Variants in FRMD5 observed in about 807,000 individuals in gnomAD.
The protein encoded by FRMD5 is FERM domain containing 5, also known as FERM domain-containing protein 5.
In FRMD5, 20 loss-of-function variants were observed where a neutral mutation model predicts 69.0. The observed-to-expected ratio is 0.29, with a 90% CI of 0.20 to 0.42. The LOEUF is 0.42. Ranked by LOEUF, FRMD5 falls within the 10% of genes least tolerant of loss-of-function variation. FRMD5 has a pLI of 1.00. For synonymous variants in FRMD5, 271 were observed against 260.1 expected (o/e 1.04, Z -0.40); for missense variants, 595 against 708.6 (o/e 0.84, Z 1.82).
rs145148653 is a variant in FRMD5 at position 44,179,194 on chromosome 15, C to A, written c.102+15759G>T. On this transcript the variant is annotated intron_variant, in intron 1 of 13. Transcript: ENST00000417257. ...GACTACCAGCCATTAGTAACTACTA[C>A]TTAAAGGAGAAAGAAAACTGATTCC... 3.9e-3 allele frequency among the ~76,000 whole-genome samples: 587 copies of A among 152,224 alleles called. 5 individuals carry two copies. The highest frequency in any genetic ancestry group is 0.014 in the African/African-American group (562 of 41,542).
At chr15:43,970,118 T>A (rs931168674) in intron 1 of FRMD5, among the ~76,000 whole-genome samples, 11 of 152,256 alleles carry the variant, frequency 7.2e-5, no homozygotes. Flanking sequence ...ATGTGATTGA[T>A]GAACTAGATG....
chr15:44,154,054 G>A (rs1368085220), intron 1 of FRMD5, among the ~76,000 whole-genome samples: 2 of 152,108 alleles, frequency 1.3e-5, no homozygotes, highest in Non-Finnish European at 2.9e-5. Flanking sequence ...GGGTGCAATG[G>A]CTCACACCCG....
At chr15:43,879,317 C>A (rs1466580095) in intron 13 of FRMD5, among the ~76,000 whole-genome samples, 2 of 152,148 alleles carry the variant, frequency 1.3e-5, no homozygotes, top group African/African-American at 2.4e-5. Context: ...AACAGAAGAT[C>A]TCACCTGTAA....
chr15:43,989,424 C>T, intron 1 of FRMD5: 4 of 789,332 alleles, frequency 5.1e-6, no homozygotes, highest in Non-Finnish European at 9.3e-6. Context: ...GGCAGCAGAA[C>T]TGCTTTTGCC....
intron 1 of FRMD5, among the ~76,000 whole-genome samples, chr15:44,060,711 G>A (rs1448994879): frequency 6.6e-6 from 1 of 151,778 alleles, no homozygotes. Flanking sequence ...ATTCTATGAC[G>A]ACTGCCTAAA....
At chr15:44,116,368 C>G (rs1377720846) in intron 1 of FRMD5, among the ~76,000 whole-genome samples, 1 of 151,862 alleles carries the variant, frequency 6.6e-6, no homozygotes. Flanking sequence ...CAAGTGATCC[C>G]CCTACCTCAG....
chr15:43,938,811 TTTC>T (rs1231618240), intron 1 of FRMD5, among the ~76,000 whole-genome samples: 1 of 152,146 alleles, frequency 6.6e-6, no homozygotes, highest in African/African-American at 2.4e-5. Context: ...TAAAGCCAGA[TTTC>T]TTTTTAGATT....
intron 1 of FRMD5, among the ~76,000 whole-genome samples, chr15:43,996,066 TCTG>T (rs1889907009): frequency 6.6e-6 from 1 of 152,092 alleles, no homozygotes; most frequent in Admixed American, 6.5e-5. Context: ...GGCCTAGGCT[TCTG>T]CCGTGGCACT....
intron 1 of FRMD5, among the ~76,000 whole-genome samples, chr15:44,015,611 T>A (rs149548708): frequency 8.0e-4 from 122 of 152,322 alleles, no homozygotes; most frequent in African/African-American, 2.7e-3. Flanking sequence ...TTCAGAAAAG[T>A]CTGTGTCCAA....
At chr15:43,966,133 G>A (rs2090291254) in intron 1 of FRMD5, among the ~76,000 whole-genome samples, 2 of 151,958 alleles carry the variant, frequency 1.3e-5, no homozygotes, top group Admixed American at 1.3e-4. Context: ...CAGCACTTTG[G>A]GAGGCTGAGG....
At chr15:44,026,178 G>T (rs912124761) in intron 1 of FRMD5, among the ~76,000 whole-genome samples, 2 of 152,052 alleles carry the variant, frequency 1.3e-5, no homozygotes, top group African/African-American at 4.8e-5. Flanking sequence ...ACAGGGTTTC[G>T]CCATGTTGGC....
intron 1 of FRMD5, among the ~76,000 whole-genome samples, chr15:43,971,025 G>C (rs530163566): frequency 1.3e-5 from 2 of 152,100 alleles, no homozygotes; most frequent in South Asian, 4.2e-4. Flanking sequence ...CGAGGAAGGC[G>C]AATCACCTGG....
At chr15:43,930,813 G>A (rs1473227960) in intron 1 of FRMD5, among the ~76,000 whole-genome samples, 2 of 152,220 alleles carry the variant, frequency 1.3e-5, no homozygotes, top group Non-Finnish European at 2.9e-5. Context: ...ATGTGCACGT[G>A]GGGTGGGGAA....
intron 1 of FRMD5, among the ~76,000 whole-genome samples, chr15:43,981,435 A>C (rs939432561): frequency 6.6e-6 from 1 of 152,172 alleles, no homozygotes; most frequent in Non-Finnish European, 1.5e-5. Flanking sequence ...GAAGAGGAGG[A>C]GGAAAAGGGG....
chr15:44,019,737 C>CAAAAAA (rs1189890743), intron 1 of FRMD5, among the ~76,000 whole-genome samples: 4 of 23,486 alleles, frequency 1.7e-4, no homozygotes, highest in South Asian at 1.6e-3. Context: ...GAGTCTGTCT[C>CAAAAAA]AAAAAAAAAA....
intron 1 of FRMD5, among the ~76,000 whole-genome samples, chr15:43,956,232 T>C (rs1490490428): frequency 6.6e-6 from 1 of 152,234 alleles, no homozygotes; most frequent in Non-Finnish European, 1.5e-5. Flanking sequence ...CGGAAATTAC[T>C]TCAAATGTCA....
At chr15:44,009,060 C>G (rs1391949185) in intron 1 of FRMD5, among the ~76,000 whole-genome samples, 6 of 152,112 alleles carry the variant, frequency 3.9e-5, no homozygotes, top group Non-Finnish European at 8.8e-5. Flanking sequence ...AAATTAGCTT[C>G]CCGACGACAG....
intron 1 of FRMD5, among the ~76,000 whole-genome samples, chr15:44,110,567 C>T (rs1035728374): frequency 2.0e-5 from 3 of 152,224 alleles, no homozygotes; most frequent in African/African-American, 7.2e-5. Flanking sequence ...CACAGTAAAT[C>T]ACTGATACAA....
At chr15:44,138,959 GAGT>G (rs1172196956) in intron 1 of FRMD5, among the ~76,000 whole-genome samples, 1 of 152,158 alleles carries the variant, frequency 6.6e-6, no homozygotes, top group African/African-American at 2.4e-5. Context: ...AGAGAGTGGG[GAGT>G]AGGCCAGCAC....
Sources: gnomAD v4.1 joint callset for allele counts (sites outside exome capture counted in the v4.1 genomes callset) on GRCh38, gnomAD v4.1.1 for gene constraint, MANE v1.5 for transcripts, NCBI Gene and HGNC (gene_info 2026-07-23, HGNC 2026-07-21) for gene names.